CXXC5: variants seen among roughly 807,000 people sequenced by gnomAD.
CXXC5 encodes the protein CXXC-type zinc finger protein 5.
In CXXC5, 2 loss-of-function variants were observed where a neutral mutation model predicts 17.6. The observed-to-expected ratio is 0.11, with a 90% CI of 0.05 to 0.36. CXXC5 has a LOEUF of 0.36. Among genes scored for constraint, CXXC5 ranks in the 10% least tolerant of loss-of-function variants. The pLI is 1.00. For missense variants in CXXC5, 343 were observed against 458.3 expected (o/e 0.75, Z 2.30); for synonymous variants, 171 against 193.0 (o/e 0.89, Z 0.94).
Position 139,668,876 on chromosome 5 carries a change from C to T in CXXC5, c.-160-11488C>T, listed in dbSNP as rs1398373614. On this transcript the variant is annotated intron_variant, in intron 1 of 2. Transcript: ENST00000302517. The surrounding 1 kb of genome is among the most constrained non-coding windows in gnomAD (Gnocchi z 4.1). ...TGACCTTATGTAGAGTCCTTAGCCT[C>T]GGTTTCCCCGTTTGTAAACCATCAG... Among the ~76,000 whole-genome samples the T allele has an allele frequency of 6.6e-6, 1 of 152,194 alleles. No homozygotes were observed.
intron 1 of CXXC5, among the ~76,000 whole-genome samples, chr5:139,671,018 G>C (rs915480796): frequency 2.6e-5 from 4 of 152,214 alleles, no homozygotes; most frequent in Admixed American, 6.5e-5. Context: ...TATGCCACCC[G>C]AGGGGCTTTT....
intron 1 of CXXC5, among the ~76,000 whole-genome samples, chr5:139,655,987 G>C (rs960779107): frequency 6.6e-6 from 1 of 152,174 alleles, no homozygotes; most frequent in East Asian, 1.9e-4. Flanking sequence ...GGTGGCCCCC[G>C]GGGAGCCCTG....
chr5:139,666,310 A>G (rs562462245), intron 1 of CXXC5, among the ~76,000 whole-genome samples: 1 of 151,516 alleles, frequency 6.6e-6, no homozygotes, highest in South Asian at 2.1e-4. Flanking sequence ...CAGCCCCTTC[A>G]CCCCCTTCAC....
chr5:139,661,264 C>T lies in CXXC5; in HGVS notation c.-161+12419C>T, dbSNP rs967324970. 8.5e-5 allele frequency among the ~76,000 whole-genome samples: 13 copies of T among 152,176 alleles called. No homozygotes were observed. The highest frequency in any genetic ancestry group is 3.1e-4 in the African/African-American group (13 of 41,440). On this transcript the variant is annotated intron_variant, in intron 1 of 2. Transcript: ENST00000302517. This position sits in a 1 kb window ranked among gnomAD's most constrained non-coding sequence, Gnocchi z 4.7. ...CGGGCGGCAGGATTAGCTCAGGAGA[C>T]GTGAGTCACCCCATCCCCAGCAGCC...
chr5:139,667,818 C>T (rs1399004634), intron 1 of CXXC5, among the ~76,000 whole-genome samples: 1 of 152,144 alleles, frequency 6.6e-6, no homozygotes, highest in African/African-American at 2.4e-5. Flanking sequence ...AAAGAGATCA[C>T]GCATATGTTG....
intron 1 of CXXC5, among the ~76,000 whole-genome samples, chr5:139,662,778 C>T (rs999425360): frequency 1.3e-5 from 2 of 152,242 alleles, no homozygotes; most frequent in African/African-American, 2.4e-5. Flanking sequence ...CTGGGCTCCA[C>T]ACCTGGCTTG....
In CXXC5 at chr5:139,680,799, CGGT is replaced by C. The variant is rs754299477; in HGVS notation, c.279_281del (p.Gly94del). 1 of 1,612,980 alleles carries C rather than the reference CGGT, an allele frequency of 6.2e-7. No homozygotes were observed. The highest frequency in any genetic ancestry group is 8.5e-7 in the Non-Finnish European group (1 of 1,180,014). The stretch of plus-strand genomic sequence containing the variant: ...CTTTTGGCAGCAGTGGTGGTAGTGG[CGGT>C]GGCAGCATGATGGGCGGAGAGTCTG... On this transcript the variant is annotated inframe_deletion, in exon 2 of 3. Transcript: ENST00000302517.
At chr5:139,679,029 C>T (rs1035540459) in intron 1 of CXXC5, among the ~76,000 whole-genome samples, 4 of 152,220 alleles carry the variant, frequency 2.6e-5, no homozygotes, top group Non-Finnish European at 4.4e-5. Context: ...GGCCCTGCCC[C>T]GGGATGGGCT....
At position 139,680,390 on chromosome 5, in the gene CXXC5, T is replaced by G. The variant is rs944637295; in HGVS notation, c.-134T>G. ...GTGAAGACATTTCCACCTGGACACC[T>G]GACCATGTGCCTGCCCTGAGCAGCG... On this transcript the variant is annotated 5_prime_UTR_variant, in exon 2 of 3. Transcript: ENST00000302517. 7.6e-7 allele frequency: 1 copy of G among 1,309,030 alleles called. No individual in the cohort carries two copies. Among genetic ancestry groups the G allele is most frequent in the Admixed American group, 2.8e-5 (1 of 35,942 alleles). The allele number at this position is 1,309,030 out of a possible 1,614,324, so 81.1% of individuals were successfully genotyped here.
chr5:139,680,687 C>T lies in CXXC5; in HGVS notation c.164C>T (p.Pro55Leu), dbSNP rs777304436. ...GCCTCAGTGGCAGATGACACACCACCCCCCGAGCGTCGGAACAAGAGCGGT... is the reference window on the plus strand; with the variant it reads ...GCCTCAGTGGCAGATGACACACCACTCCCCGAGCGTCGGAACAAGAGCGGT... ...APASVADDTPPPERRNKSGII... is the reference protein window; with the variant it reads ...APASVADDTPLPERRNKSGII... The change falls in exon 2 of 3, where the codon CCC (proline) becomes CTC (leucine). Residue 55 changes from proline to leucine, a missense_variant. Coordinates refer to ENST00000302517, the MANE Select transcript of CXXC5 (RefSeq NM_016463.9). 35 of 1,613,248 alleles carry T rather than the reference C, an allele frequency of 2.2e-5. No homozygotes were observed. Among genetic ancestry groups the T allele is most frequent in the Middle Eastern group, 3.3e-4 (2 of 6,084 alleles).
rs1755612317 is a variant in CXXC5 at position 139,658,564 on chromosome 5, G to A, written c.-161+9719G>A. Among the ~76,000 whole-genome samples the A allele has an allele frequency of 6.6e-6, 1 of 152,254 alleles. No individual in the cohort carries two copies. The highest frequency in any genetic ancestry group is 2.1e-4 in the South Asian group (1 of 4,834). Reference sequence around the variant, plus strand: ...CTGTGGGCCCAGTCAGGCAGTGGGGGGATGCGGCTGGCCCACAGGCACAGG... The same window carrying A: ...CTGTGGGCCCAGTCAGGCAGTGGGGAGATGCGGCTGGCCCACAGGCACAGG... On this transcript the variant is annotated intron_variant, in intron 1 of 2. Coordinates refer to ENST00000302517, the MANE Select transcript of CXXC5 (RefSeq NM_016463.9). The surrounding 1 kb of genome is among the most constrained non-coding windows in gnomAD (Gnocchi z 4.1).
In CXXC5 at chr5:139,680,504, G is replaced by A. The variant is rs1335133292; in HGVS notation, c.-20G>A. The A allele has an allele frequency of 6.5e-7, 1 of 1,542,598 alleles. No homozygotes were observed. ...GTTGGCAGGCTCCCTCTGCAGTGGG[G>A]TCTGGGCCTCGGCCCCACCATGTCG... On this transcript the variant is annotated 5_prime_UTR_variant, in exon 2 of 3. Coordinates refer to ENST00000302517, the MANE Select transcript of CXXC5 (RefSeq NM_016463.9).
chr5:139,668,580 G>A lies in CXXC5; in HGVS notation c.-160-11784G>A, dbSNP rs1169710466. Among the ~76,000 whole-genome samples the A allele has an allele frequency of 6.6e-6, 1 of 152,200 alleles. No individual in the cohort carries two copies. The highest frequency in any genetic ancestry group is 2.4e-5 in the African/African-American group (1 of 41,456). On this transcript the variant is annotated intron_variant, in intron 1 of 2. Transcript: ENST00000302517. The surrounding 1 kb of genome is among the most constrained non-coding windows in gnomAD (Gnocchi z 4.1). ...GAGCTGGCCGCGTTTCTCGGGGCGG[G>A]AGCCAGCTCTGCTCGCCTGGCTTAA...
chr5:139,678,964 C>G (rs1661650066), intron 1 of CXXC5, among the ~76,000 whole-genome samples: 1 of 152,234 alleles, frequency 6.6e-6, no homozygotes, highest in Non-Finnish European at 1.5e-5. Flanking sequence ...CTGGCCCAGT[C>G]CCTTCAGCTG....
chr5:139,677,267 C>T lies in CXXC5; in HGVS notation c.-160-3097C>T, dbSNP rs1470632724. On this transcript the variant is annotated intron_variant, in intron 1 of 2. Coordinates refer to ENST00000302517, the MANE Select transcript of CXXC5 (RefSeq NM_016463.9). The stretch of plus-strand genomic sequence containing the variant: ...CCTCCCGCTCATTCCCGCTCCGCTT[C>T]AACGCAGCCCTGACTCCTCCCCTGC... Among the ~76,000 whole-genome samples, 6 of 152,246 alleles carry T rather than the reference C, an allele frequency of 3.9e-5. No homozygotes were observed. The East Asian group carries it at 7.7e-4, about 20-fold the overall frequency.
upstream of CXXC5, among the ~76,000 whole-genome samples, chr5:139,647,692 G>T (rs962763694): frequency 1.3e-5 from 2 of 152,182 alleles, no homozygotes; most frequent in Admixed American, 6.5e-5. Context: ...TTTAGCCCCG[G>T]GACTCAAGAG....
chr5:139,680,649 T>TGCC lies in CXXC5; in HGVS notation c.132_134dup (p.Ala45dup). 2 of 1,612,216 alleles carry TGCC rather than the reference T, an allele frequency of 1.2e-6. No homozygotes were observed. Among genetic ancestry groups the TGCC allele is most frequent in the Non-Finnish European group, 1.7e-6 (2 of 1,179,854 alleles). On this transcript the variant is annotated inframe_insertion, in exon 2 of 3. Coordinates refer to ENST00000302517, the MANE Select transcript of CXXC5 (RefSeq NM_016463.9). ...CAGCAGACAAGAGTGCAGTGGTGGC[T>TGCC]GCCGCCGCACCAGCCTCAGTGGCAG...
chr5:139,677,505 G>C (rs543425279), intron 1 of CXXC5, among the ~76,000 whole-genome samples: 1 of 152,308 alleles, frequency 6.6e-6, no homozygotes, highest in East Asian at 1.9e-4. Flanking sequence ...GGCCGATTTG[G>C]AACAAGCTTG....
intron 1 of CXXC5, among the ~76,000 whole-genome samples, chr5:139,667,472 T>C (rs1756172464): frequency 6.6e-6 from 1 of 152,218 alleles, no homozygotes; most frequent in South Asian, 2.1e-4. Flanking sequence ...CTTGTGCCCC[T>C]ATTTTACAGA....
Sources: gnomAD v4.1 joint callset for allele counts (sites outside exome capture counted in the v4.1 genomes callset) on GRCh38, gnomAD v4.1.1 for gene constraint, Gnocchi (gnomAD v3.1) non-coding constraint, MANE v1.5 for transcripts, NCBI Gene and HGNC (gene_info 2026-07-23, HGNC 2026-07-21) for gene names.